The following KCNAB1 variants were observed in gnomAD, a reference collection of about 807,000 sequenced individuals.
The protein encoded by KCNAB1 is potassium voltage-gated channel subfamily A regulatory beta subunit 1, also known as voltage-gated potassium channel subunit beta-1.
KCNAB1 carries 35 observed loss-of-function variants against 64.6 expected under a neutral mutation model. The observed-to-expected ratio is 0.54, with a 90% CI of 0.41 to 0.72. The LOEUF (loss-of-function observed/expected upper bound fraction) is 0.72, where lower values mean the gene tolerates loss of function less well. KCNAB1 is among the 30% of genes least tolerant of loss of function. The probability of loss-of-function intolerance (pLI) is 0.00; values close to 1 mark genes in which losing one functional copy is unlikely to be tolerated. For missense variants in KCNAB1, 401 were observed against 512.9 expected, an observed-to-expected ratio of 0.78 and a Z score of 2.11; for synonymous variants, 177 against 183.8, an observed-to-expected ratio of 0.96 and a Z score of 0.30.
At chr3:156,291,874 TTC>T (rs1252800111) in intron 1 of KCNAB1, 1 of 1,612,344 alleles carries the variant, frequency 6.2e-7, no homozygotes, top group Non-Finnish European at 8.5e-7. Flanking sequence ...TGTTCTGGGG[TTC>T]TGAGAGGGAC....
At chr3:156,536,597 C>A in intron 13 of KCNAB1, 61 bp from the exon 14 acceptor site, 2 of 1,217,082 alleles carry the variant, frequency 1.6e-6, no homozygotes, top group Non-Finnish European at 1.2e-6. Flanking sequence ...ATATAGAGCA[C>A]AAAAAACCGA....
intron 1 of KCNAB1, among the ~76,000 whole-genome samples, chr3:156,395,417 C>G (rs969352489): frequency 6.8e-6 from 1 of 147,912 alleles, no homozygotes. Flanking sequence ...TAGTGGCGGG[C>G]GCCTGTAGTC....
chr3:156,331,322 T>C (rs773959332), intron 1 of KCNAB1, among the ~76,000 whole-genome samples: 2 of 152,138 alleles, frequency 1.3e-5, no homozygotes, highest in African/African-American at 2.4e-5. Context: ...AGCTGAAGAA[T>C]GGAAAAAATC....
rs144113580 is a variant in KCNAB1, at chr3:156,474,797, C to A, written c.635C>A (p.Pro212Gln). Residue 212 changes from proline (P) to glutamine (Q), a missense_variant, in exon 8 of 14, where the codon CCG becomes CAG. Coordinates refer to ENST00000490337, the MANE Select transcript of KCNAB1 (RefSeq NM_172160.3). ...EYVDVVFANR[P>Q]DSNTPMEEIV... ...GTGGATGTGGTCTTTGCAAATCGAC[C>A]GGACAGTAACACTCCCATGGAAGGT... The A allele has an allele frequency of 2.5e-6, 4 of 1,612,718 alleles. No individual in the cohort carries two copies. Among genetic ancestry groups the A allele is most frequent in the South Asian group, 1.1e-5 (1 of 91,022 alleles).
intron 1 of KCNAB1, among the ~76,000 whole-genome samples, chr3:156,386,621 A>T (rs1303618938): frequency 6.6e-6 from 1 of 152,188 alleles, no homozygotes; most frequent in Non-Finnish European, 1.5e-5. Flanking sequence ...TGGGTGGGGA[A>T]AGAGCCCTTT....
intron 1 of KCNAB1, among the ~76,000 whole-genome samples, chr3:156,360,742 A>G (rs138075439): frequency 7.7e-4 from 117 of 151,534 alleles, no homozygotes; most frequent in African/African-American, 2.6e-3. Flanking sequence ...AAAAAAAAAG[A>G]AAAACCAAAA....
chr3:156,342,609 ATTTT>A (rs59689669), intron 1 of KCNAB1, among the ~76,000 whole-genome samples: 1 of 104,690 alleles, frequency 9.6e-6, no homozygotes, highest in African/African-American at 3.5e-5. Flanking sequence ...TTTTTTTTTA[ATTTT>A]TTTTTTTTTT....
At chr3:156,500,886 A>T (rs1716353017) in intron 8 of KCNAB1, among the ~76,000 whole-genome samples, 1 of 152,140 alleles carries the variant, frequency 6.6e-6, no homozygotes, top group African/African-American at 2.4e-5. Flanking sequence ...CTAGGTCAAA[A>T]CTATCTTGAC....
chr3:156,338,924 G>A (rs535597831), intron 1 of KCNAB1, among the ~76,000 whole-genome samples: 59 of 152,212 alleles, frequency 3.9e-4, no homozygotes, highest in African/African-American at 1.3e-3. Context: ...ACCACAATAC[G>A]GCCTCAACAC....
At position 156,529,406 on chromosome 3, in the gene KCNAB1, G is replaced by A. The variant is rs536031633; in HGVS notation, c.1082-2003G>A. Among the ~76,000 whole-genome samples, 44 of 151,910 alleles carry A rather than the reference G, an allele frequency of 2.9e-4. No homozygotes were observed. The South Asian group carries it at 9.1e-3, about 32-fold the overall frequency. On this transcript the variant is annotated intron_variant, in intron 12 of 13. Transcript: ENST00000490337. ...TGAAGGTTGCACCTTAAAAATGATG[G>A]TTGGTAAATTTATAAAAATTATTTA...
Position 156,177,029 on chromosome 3 carries a change from C to A in KCNAB1, c.275+56143C>A, listed in dbSNP as rs950246878. The A allele has an allele frequency of 9.3e-6, 5 of 540,530 alleles. No individual in the cohort carries two copies. In the African/African-American group the frequency reaches 9.4e-5, roughly 10 times the overall value. The allele number at this position is 540,530 out of a possible 1,614,324, so 33.5% of individuals were successfully genotyped here. A position where few individuals can be genotyped will look rare whatever the true frequency, so the allele number is the denominator to read the frequency against. ...ATAGGGTCCCTGTAGTGCCTCTGTC[C>A]CTTCCCCATCCTTCAAATCTGCTTG... On this transcript the variant is annotated intron_variant, in intron 1 of 13. Coordinates refer to ENST00000490337, the MANE Select transcript of KCNAB1 (RefSeq NM_172160.3).
rs187703328 is a variant in KCNAB1 at position 156,310,597 on chromosome 3, T to A, written c.276-111019T>A. Among the ~76,000 whole-genome samples the A allele has an allele frequency of 1.4e-3, 211 of 151,950 alleles. 3 individuals are homozygous for A. In the South Asian group the frequency reaches 0.029, roughly 21 times the overall value. ...GGGGGGCAGATCACGAGGTCAGGAGTTCGAGACCATCCTGGCTAACACAGT... is the reference window on the plus strand; with the variant it reads ...GGGGGGCAGATCACGAGGTCAGGAGATCGAGACCATCCTGGCTAACACAGT... On this transcript the variant is annotated intron_variant, in intron 1 of 13. Coordinates refer to ENST00000490337, the MANE Select transcript of KCNAB1 (RefSeq NM_172160.3).
intron 1 of KCNAB1, among the ~76,000 whole-genome samples, chr3:156,328,950 C>T (rs1045124944): frequency 6.6e-6 from 1 of 152,114 alleles, no homozygotes; most frequent in African/African-American, 2.4e-5. Flanking sequence ...TATATCTAGA[C>T]ATTTGGTATC....
intron 1 of KCNAB1, among the ~76,000 whole-genome samples, chr3:156,338,658 T>C (rs1723897787): frequency 6.6e-6 from 1 of 152,154 alleles, no homozygotes; most frequent in South Asian, 2.1e-4. Flanking sequence ...CAGAGTGTGG[T>C]AAATTTCAAG....
At chr3:156,442,687 C>A (rs1435665635) in intron 2 of KCNAB1, among the ~76,000 whole-genome samples, 2 of 152,178 alleles carry the variant, frequency 1.3e-5, no homozygotes, top group African/African-American at 2.4e-5. Flanking sequence ...AGCCAGCCAT[C>A]CCCATCCCAG....
At chr3:156,310,788 A>G (rs1350120319) in intron 1 of KCNAB1, among the ~76,000 whole-genome samples, 1 of 152,164 alleles carries the variant, frequency 6.6e-6, no homozygotes, top group Non-Finnish European at 1.5e-5. Context: ...TGGGTGACAG[A>G]GCGGGACTCC....
chr3:156,432,872 A>C (rs2122418), intron 2 of KCNAB1, among the ~76,000 whole-genome samples: 109,452 of 151,956 alleles, frequency 0.72, 40,545 homozygotes, highest in African/African-American at 0.9. Context: ...TCGTTACCTA[A>C]CCCCACCATT....
intron 1 of KCNAB1, among the ~76,000 whole-genome samples, chr3:156,249,427 C>A (rs1235208106): frequency 6.6e-6 from 1 of 151,882 alleles, no homozygotes; most frequent in African/African-American, 2.4e-5. Context: ...CAAAAATTAG[C>A]CAGGCATGAT....
intron 1 of KCNAB1, among the ~76,000 whole-genome samples, chr3:156,409,189 A>C (rs1401220998): frequency 6.6e-6 from 1 of 152,298 alleles, no homozygotes; most frequent in East Asian, 1.9e-4. Context: ...TGCCATCAAT[A>C]TTGGGCTCTA....
Sources: gnomAD v4.1 joint callset for allele counts (sites outside exome capture counted in the v4.1 genomes callset) on GRCh38, gnomAD v4.1.1 for gene constraint, MANE v1.5 for transcripts, NCBI Gene and HGNC (gene_info 2026-07-23, HGNC 2026-07-21) for gene names.